The following CGNL1 variants were observed in gnomAD, a reference collection of about 807,000 sequenced individuals.
CGNL1 encodes the protein cingulin like 1.
CGNL1 carries 132 observed loss-of-function variants against 141.2 expected under a neutral mutation model. The observed-to-expected ratio is 0.93, with a 90% CI of 0.81 to 1.08. CGNL1 has a LOEUF of 1.08. CGNL1 is among the 50% of genes least tolerant of loss of function. The pLI is 0.00. For missense variants in CGNL1, 1,870 were observed against 1,588.6 expected, an observed-to-expected ratio of 1.18 and a Z score of -3.01; for synonymous variants, 690 against 622.1, an observed-to-expected ratio of 1.11 and a Z score of -1.63.
intron 14 of CGNL1, among the ~76,000 whole-genome samples, chr15:57,539,273 A>G (rs1275266666): frequency 1.3e-5 from 2 of 150,912 alleles, no homozygotes; most frequent in Non-Finnish European, 3.0e-5. Flanking sequence ...TCTTGCCTCT[A>G]CCTTCCCTTT....
At chr15:57,381,846 C>T (rs1451675342) in intron 1 of CGNL1, among the ~76,000 whole-genome samples, 10 of 152,134 alleles carry the variant, frequency 6.6e-5, no homozygotes, top group African/African-American at 1.7e-4. Flanking sequence ...GAAAGTATTC[C>T]GCTAAAGGCC....
At chr15:57,487,254 T>C (rs541911126) in intron 8 of CGNL1, among the ~76,000 whole-genome samples, 1 of 152,332 alleles carries the variant, frequency 6.6e-6, no homozygotes, top group Admixed American at 6.5e-5. Flanking sequence ...TCCAAGATGG[T>C]AAATGAGTTG....
chr15:57,531,296 G>T (rs2031939206), intron 13 of CGNL1, among the ~76,000 whole-genome samples: 1 of 152,206 alleles, frequency 6.6e-6, no homozygotes, highest in Non-Finnish European at 1.5e-5. Context: ...ATTGTCCGGA[G>T]CGTCAAGTGT....
In CGNL1 at chr15:57,377,810, CT is replaced by C. The variant is rs1339583600; in HGVS notation, c.-16+1245del. Among the ~76,000 whole-genome samples, 3 of 152,254 alleles carry C rather than the reference CT, an allele frequency of 2.0e-5. No homozygotes were observed. In the South Asian group the frequency reaches 6.2e-4, roughly 32 times the overall value. On this transcript the variant is annotated intron_variant, in intron 1 of 18. Coordinates refer to ENST00000281282, the MANE Select transcript of CGNL1 (RefSeq NM_032866.5). Reference sequence around the variant, plus strand: ...CAGGGAAAACCAAGTGATAATTTGACTTGTCATATTCGGGAATGATTTCAGA... The same window carrying C: ...CAGGGAAAACCAAGTGATAATTTGACTGTCATATTCGGGAATGATTTCAGA...
intron 1 of CGNL1, among the ~76,000 whole-genome samples, chr15:57,434,136 G>A (rs1467615014): frequency 1.3e-5 from 2 of 152,172 alleles, no homozygotes; most frequent in Non-Finnish European, 2.9e-5. Flanking sequence ...AGAAAGCAGA[G>A]AAAACGTGTT....
In CGNL1 at chr15:57,431,176, TC is replaced by T. The variant is rs562288776; in HGVS notation, c.-15-6803del. Among the ~76,000 whole-genome samples the T allele has an allele frequency of 3.8e-4, 58 of 152,274 alleles. 3 individuals carry two copies. The South Asian group carries it at 9.5e-3, about 25-fold the overall frequency. Reference sequence around the variant, plus strand: ...CACTCAATGTTATAAGTTTATTTTTTCCCCCCAAATAGAAAAGTTTTAGTTG... The same window carrying T: ...CACTCAATGTTATAAGTTTATTTTTTCCCCCAAATAGAAAAGTTTTAGTTG... On this transcript the variant is annotated intron_variant, in intron 1 of 18. Coordinates refer to ENST00000281282, the MANE Select transcript of CGNL1 (RefSeq NM_032866.5).
intron 7 of CGNL1, among the ~76,000 whole-genome samples, chr15:57,454,989 A>G (rs2063362315): frequency 6.6e-6 from 1 of 152,166 alleles, no homozygotes; most frequent in African/African-American, 2.4e-5. Flanking sequence ...CTCCCTATCT[A>G]TTGATAGCTT....
chr15:57,527,919 A>T (rs1357976722), intron 12 of CGNL1, among the ~76,000 whole-genome samples: 1 of 152,198 alleles, frequency 6.6e-6, no homozygotes, highest in Non-Finnish European at 1.5e-5. Flanking sequence ...ACATGTATTT[A>T]GTTAAGGGGC....
intron 1 of CGNL1, among the ~76,000 whole-genome samples, chr15:57,384,185 T>C (rs2062457716): frequency 6.6e-6 from 1 of 152,144 alleles, no homozygotes; most frequent in African/African-American, 2.4e-5. Flanking sequence ...GCATGACTGC[T>C]TCTCCCTGCA....
intron 1 of CGNL1, among the ~76,000 whole-genome samples, chr15:57,408,337 C>T (rs1411232167): frequency 6.6e-6 from 1 of 151,948 alleles, no homozygotes; most frequent in Non-Finnish European, 1.5e-5. Context: ...AAGTGACTTG[C>T]GTTGATAGAC....
At chr15:57,450,198 C>G (rs1458027729) in intron 4 of CGNL1, among the ~76,000 whole-genome samples, 1 of 152,104 alleles carries the variant, frequency 6.6e-6, no homozygotes, top group African/African-American at 2.4e-5. Flanking sequence ...TCTGTTACTC[C>G]ACATCCTTGC....
rs142865731 is a variant in CGNL1, at chr15:57,501,021, G to A, written c.2404-15759G>A. On this transcript the variant is annotated intron_variant, in intron 8 of 18. Coordinates refer to ENST00000281282, the MANE Select transcript of CGNL1 (RefSeq NM_032866.5). ...GAATACATGTGTGGTGGGAGAATGC[G>A]TGTGTATGCTTGGGGAGTATCACAG... 4.7e-3 allele frequency among the ~76,000 whole-genome samples: 717 copies of A among 152,330 alleles called. 6 individuals carry two copies. The highest frequency in any genetic ancestry group is 0.016 in the African/African-American group (667 of 41,562).
chr15:57,416,860 G>T (rs1188348475), intron 1 of CGNL1, among the ~76,000 whole-genome samples: 1 of 152,190 alleles, frequency 6.6e-6, no homozygotes, highest in Non-Finnish European at 1.5e-5. Flanking sequence ...TGTCATGAAT[G>T]GTGGTTAGGT....
At chr15:57,383,220 A>AAG (rs1183165972) in intron 1 of CGNL1, among the ~76,000 whole-genome samples, 14 of 151,942 alleles carry the variant, frequency 9.2e-5, no homozygotes, top group South Asian at 8.3e-4. Context: ...AGTGAGAGAT[A>AAG]AGAGAGAGAG....
At chr15:57,470,630 A>G (rs1193326086) in intron 8 of CGNL1, among the ~76,000 whole-genome samples, 3 of 152,162 alleles carry the variant, frequency 2.0e-5, no homozygotes, top group Non-Finnish European at 4.4e-5. Flanking sequence ...TTATCTTTAG[A>G]TATGCGGATT....
chr15:57,479,519 C>T (rs562132076), intron 8 of CGNL1, among the ~76,000 whole-genome samples: 2 of 152,090 alleles, frequency 1.3e-5, no homozygotes, highest in East Asian at 1.9e-4. Flanking sequence ...CAAAAATTAG[C>T]TGGGCATGGT....
chr15:57,436,877 C>A (rs1178798217), intron 1 of CGNL1, among the ~76,000 whole-genome samples: 1 of 151,812 alleles, frequency 6.6e-6, no homozygotes, highest in Non-Finnish European at 1.5e-5. Flanking sequence ...TTTATCCTAC[C>A]CAAATTCTGC....
At chr15:57,544,086 C>G (rs1379156656) in intron 15 of CGNL1, among the ~76,000 whole-genome samples, 17 of 152,132 alleles carry the variant, frequency 1.1e-4, no homozygotes, top group Non-Finnish European at 1.8e-4. Flanking sequence ...AAAACTTCAT[C>G]GGGTCATTAT....
At chr15:57,419,305 A>C (rs566126433) in intron 1 of CGNL1, among the ~76,000 whole-genome samples, 1 of 152,234 alleles carries the variant, frequency 6.6e-6, no homozygotes, top group Non-Finnish European at 1.5e-5. Flanking sequence ...AATTGCAAAG[A>C]TCATACAGAA....
Sources: gnomAD v4.1 joint callset for allele counts (sites outside exome capture counted in the v4.1 genomes callset) on GRCh38, gnomAD v4.1.1 for gene constraint, MANE v1.5 for transcripts, NCBI Gene and HGNC (gene_info 2026-07-23, HGNC 2026-07-21) for gene names.